MYCBP2: variants seen among roughly 807,000 people sequenced by gnomAD.
MYCBP2 encodes E3 ubiquitin-protein ligase MYCBP2.
In MYCBP2, 120 loss-of-function variants were observed where a neutral mutation model predicts 525.3. That is an observed-to-expected ratio of 0.23 (90% CI 0.20 to 0.27). The LOEUF (loss-of-function observed/expected upper bound fraction) is 0.27. MYCBP2 is among the 10% of genes least tolerant of loss of function. The pLI is 1.00. For synonymous variants in MYCBP2, 1,894 were observed against 1,955.8 expected (o/e 0.97, Z 0.83); for missense variants, 4,149 against 5,657.1 (o/e 0.73, Z 8.55).
intron 3 of MYCBP2, among the ~76,000 whole-genome samples, chr13:77,287,602 T>TC (rs149147384): frequency 7.0e-4 from 106 of 152,206 alleles, no homozygotes; most frequent in African/African-American, 2.2e-3. Flanking sequence ...TTTTTTTTTT[T>TC]CCTAATCAAG....
intron 54 of MYCBP2, among the ~76,000 whole-genome samples, chr13:77,122,881 T>A (rs904908113): frequency 3.3e-5 from 5 of 152,136 alleles, no homozygotes; most frequent in African/African-American, 9.7e-5. Context: ...CCTTAGGCAA[T>A]ACTCTTCAGC....
At chr13:77,045,586 A>T in intron 82 of MYCBP2, 93 bp from the exon 83 acceptor site, 1 of 756,934 alleles carries the variant, frequency 1.3e-6, no homozygotes, top group Non-Finnish European at 2.2e-6. Context: ...TAGGTTATTC[A>T]AAGAAATAAC....
intron 24 of MYCBP2, 99 bp downstream of exon 24, chr13:77,206,550 TAACA>T (rs1490384932): frequency 1.4e-5 from 15 of 1,094,770 alleles, no homozygotes; most frequent in African/African-American, 6.4e-5. Context: ...TATTATTATT[TAACA>T]AACAAGACAG....
At chr13:77,317,787 AT>A (rs1322967871) in intron 1 of MYCBP2, among the ~76,000 whole-genome samples, 6 of 152,094 alleles carry the variant, frequency 3.9e-5, no homozygotes, top group Non-Finnish European at 1.5e-5. Context: ...AAACACAAAA[AT>A]TAGCTGGGCG....
At chr13:77,150,128 A>AT (rs1462903803) in intron 47 of MYCBP2, among the ~76,000 whole-genome samples, 1 of 152,262 alleles carries the variant, frequency 6.6e-6, no homozygotes, top group East Asian at 1.9e-4. Flanking sequence ...CAAAATATAT[A>AT]TTTTTTAAAT....
intron 6 of MYCBP2, 46 bp downstream of exon 6, chr13:77,270,250 T>C (rs2154344388): frequency 6.5e-7 from 1 of 1,549,968 alleles, no homozygotes; most frequent in Non-Finnish European, 8.7e-7. Context: ...CAATTCATTA[T>C]GGTTATAACT....
chr13:77,046,976 A>C (rs761598300), intron 82 of MYCBP2, among the ~76,000 whole-genome samples: 1 of 152,200 alleles, frequency 6.6e-6, no homozygotes, highest in Non-Finnish European at 1.5e-5. Flanking sequence ...ACAACATATC[A>C]ATGGTGGTGA....
intron 55 of MYCBP2, among the ~76,000 whole-genome samples, chr13:77,105,273 G>C (rs1312864292): frequency 6.6e-6 from 1 of 152,098 alleles, no homozygotes; most frequent in Non-Finnish European, 1.5e-5. Context: ...AAACTTATAA[G>C]ATGTTAGAGG....
chr13:77,243,784 T>G (rs1282787163), intron 16 of MYCBP2, 22 bp downstream of exon 16: 1 of 1,610,240 alleles, frequency 6.2e-7, no homozygotes, highest in Non-Finnish European at 8.5e-7. Context: ...CAGTGTAGCA[T>G]AGTATAATCA....
At chr13:77,252,653 GCTATCACTCAATACAGGT>G (rs2071421580) in intron 14 of MYCBP2, among the ~76,000 whole-genome samples, 1 of 152,008 alleles carries the variant, frequency 6.6e-6, no homozygotes, top group African/African-American at 2.4e-5. Context: ...TTAACATACA[GCTATCACTCAATACAGGT>G]CTATCTAACC....
chr13:77,218,505 G>A (rs2065118693), intron 20 of MYCBP2, among the ~76,000 whole-genome samples: 1 of 152,170 alleles, frequency 6.6e-6, no homozygotes, highest in South Asian at 2.1e-4. Context: ...CTGGCTGGTT[G>A]TGAATCCTGG....
intron 61 of MYCBP2, among the ~76,000 whole-genome samples, chr13:77,088,145 G>T (rs1227380547): frequency 6.6e-6 from 1 of 151,530 alleles, no homozygotes; most frequent in African/African-American, 2.4e-5. Flanking sequence ...TTAATAATTT[G>T]GGGTTTTAAT....
rs1182081376 is a variant in MYCBP2, at chr13:77,181,606, T to C, written c.4941+95A>G. 3 of 862,780 alleles carry C rather than the reference T, an allele frequency of 3.5e-6. No individual in the cohort carries two copies. The Admixed American group carries it at 6.9e-5, about 20-fold the overall frequency. The allele number at this position is 862,780 out of a possible 1,614,324, so 53.4% of individuals were successfully genotyped here. ...AGCTAAATACGCTTAGCTTGGTGTG[T>C]TTATAGTTTTATTGCCTCTGTATAA... On this transcript the variant is annotated intron_variant, in intron 33 of 82. Coordinates refer to ENST00000544440, the MANE Select transcript of MYCBP2 (RefSeq NM_015057.5).
At chr13:77,236,060 T>G (rs971982009) in intron 17 of MYCBP2, among the ~76,000 whole-genome samples, 1 of 152,146 alleles carries the variant, frequency 6.6e-6, no homozygotes, top group African/African-American at 2.4e-5. Flanking sequence ...ATGAATATTC[T>G]GGAAAGAAGG....
intron 59 of MYCBP2, among the ~76,000 whole-genome samples, chr13:77,091,773 G>A (rs758817763): frequency 4.6e-5 from 7 of 151,764 alleles, no homozygotes; most frequent in African/African-American, 1.7e-4. Context: ...CTAGGCTGAA[G>A]TGCAGTGACA....
At chr13:77,210,424 C>T (rs2063854089) in intron 23 of MYCBP2, among the ~76,000 whole-genome samples, 1 of 152,090 alleles carries the variant, frequency 6.6e-6, no homozygotes. Context: ...GATCTCCTGA[C>T]CTCGTGATCT....
chr13:77,071,925 C>T (rs1206778926), intron 68 of MYCBP2, among the ~76,000 whole-genome samples: 1 of 152,020 alleles, frequency 6.6e-6, no homozygotes, highest in African/African-American at 2.4e-5. Flanking sequence ...TAATATAAAG[C>T]TAACAGGAAA....
At chr13:77,046,432 T>A (rs1216563932) in intron 82 of MYCBP2, among the ~76,000 whole-genome samples, 1 of 152,232 alleles carries the variant, frequency 6.6e-6, no homozygotes, top group East Asian at 1.9e-4. Context: ...TTGGATGGAA[T>A]GAGCTTACAC....
In MYCBP2 at chr13:77,224,550, A is replaced by G. The variant is rs1398578218; in HGVS notation, c.2858-18T>C. On this transcript the variant is annotated intron_variant, in intron 19 of 82. Transcript: ENST00000544440. Reference sequence around the variant, plus strand: ...TAAAACCACTGCAACCAAAACACACAGCTTTATTTTTTCATTATATGCATT... The same window carrying G: ...TAAAACCACTGCAACCAAAACACACGGCTTTATTTTTTCATTATATGCATT... 2 of 1,519,458 alleles carry G rather than the reference A, an allele frequency of 1.3e-6. No individual in the cohort carries two copies. Among genetic ancestry groups the G allele is most frequent in the Non-Finnish European group, 1.8e-6 (2 of 1,100,534 alleles). 94.1% of individuals were successfully genotyped at this position (1,519,458 alleles called of 1,614,324 possible).
Sources: allele counts gnomAD v4.1 joint callset (sites outside exome capture counted in the v4.1 genomes callset), GRCh38; gene constraint gnomAD v4.1.1; transcripts MANE v1.5; gene names NCBI Gene and HGNC (gene_info 2026-07-23, HGNC 2026-07-21).